Variants in MTR observed in about 807,000 individuals in gnomAD.
The protein encoded by MTR is methionine synthase.
MTR carries 84 observed loss-of-function variants against 154.8 expected under a neutral mutation model. The ratio of observed to expected loss-of-function variants is 0.54; its 90% CI spans 0.45 to 0.65. The LOEUF is 0.65. Ranked by LOEUF, MTR falls within the 30% of genes least tolerant of loss-of-function variation. MTR has a pLI of 0.00. For missense variants in MTR, 1,275 were observed against 1,570.2 expected (o/e 0.81, Z 3.18); for synonymous variants, 554 against 553.9 (o/e 1.00, Z 0.00).
rs58179715 is a variant in MTR at position 236,844,453 on chromosome 1, CGTGTGTGTGTGTGTGTGTGT to C, written c.1516-5860_1516-5841del. 1.5e-3 allele frequency among the ~76,000 whole-genome samples: 213 copies of C among 145,460 alleles called. 1 individual carries two copies. The highest frequency in any genetic ancestry group is 4.7e-3 in the African/African-American group (185 of 39,228). On this transcript the variant is annotated intron_variant, in intron 15 of 32. Coordinates refer to ENST00000366577, the MANE Select transcript of MTR (RefSeq NM_000254.3). ...GGGGAAATACGAGGTTCAGAAAGGG[CGTGTGTGTGTGTGTGTGTGT>C]GTGTGTGTGTGTGTGTGTGTGTGTG...
intron 12 of MTR, among the ~76,000 whole-genome samples, chr1:236,831,495 C>T (rs1475486591): frequency 6.6e-6 from 1 of 152,064 alleles, no homozygotes; most frequent in Non-Finnish European, 1.5e-5. Context: ...GCCTCTGAAT[C>T]AAAGAAATGA....
chr1:236,839,304 C>A (rs546225264), intron 15 of MTR, among the ~76,000 whole-genome samples: 1 of 152,082 alleles, frequency 6.6e-6, no homozygotes, highest in Admixed American at 6.5e-5. Context: ...ATTCCTAATA[C>A]GCAAAGAGTT....
chr1:236,851,980 T>C (rs925052878), intron 16 of MTR, among the ~76,000 whole-genome samples: 1 of 152,174 alleles, frequency 6.6e-6, no homozygotes, highest in African/African-American at 2.4e-5. Flanking sequence ...CCTGAACTTC[T>C]CTGTAGCATA....
intron 30 of MTR, 69 bp downstream of exon 30, chr1:236,894,626 C>T (rs1666520145): frequency 6.5e-7 from 1 of 1,534,924 alleles, no homozygotes. Flanking sequence ...GGGGTGGGTG[C>T]CTGAAGACTG....
intron 1 of MTR, among the ~76,000 whole-genome samples, chr1:236,798,563 C>G (rs1660532358): frequency 6.6e-6 from 1 of 152,184 alleles, no homozygotes; most frequent in Non-Finnish European, 1.5e-5. Flanking sequence ...CTCTTAGGCT[C>G]ACTAGCCAAG....
intron 18 of MTR, 120 bp from the exon 19 acceptor site, chr1:236,859,713 G>T (rs542598554): frequency 7.2e-5 from 55 of 764,560 alleles, no homozygotes; most frequent in Non-Finnish European, 1.2e-4. Context: ...AGTCTACTAG[G>T]GGCTGGAAAA....
chr1:236,803,812 A>G (rs1217971948), intron 2 of MTR, among the ~76,000 whole-genome samples, 170 bp downstream of exon 2: 1 of 152,234 alleles, frequency 6.6e-6, no homozygotes, highest in Non-Finnish European at 1.5e-5. Context: ...TGTGTTAAGC[A>G]CTCAGGATAA....
At chr1:236,875,393 A>G (rs1304075208) in intron 24 of MTR, among the ~76,000 whole-genome samples, 1 of 152,218 alleles carries the variant, frequency 6.6e-6, no homozygotes, top group Non-Finnish European at 1.5e-5. Context: ...CAACATAAAG[A>G]GGTATAAAAT....
At chr1:236,859,970 G>C in intron 19 of MTR, 48 bp downstream of exon 19, 1 of 1,508,050 alleles carries the variant, frequency 6.6e-7, no homozygotes, top group African/African-American at 1.4e-5. Flanking sequence ...CATCATGGCT[G>C]ACTGATCCTG....
rs1666824631 is a variant in MTR at position 236,899,345 on chromosome 1, A to G, written c.*1701A>G. ...TAGGCATTCTGAGCAGGGGAACAAA[A>G]TAAGGGCCTAGAAACTCACCCGTGC... On this transcript the variant is annotated 3_prime_UTR_variant, in exon 33 of 33. Coordinates refer to ENST00000366577, the MANE Select transcript of MTR (RefSeq NM_000254.3). The G allele has an allele frequency of 6.6e-6, 1 of 152,242 alleles. No homozygotes were observed. Among genetic ancestry groups the G allele is most frequent in the Admixed American group, 6.5e-5 (1 of 15,282 alleles). 9.4% of individuals were successfully genotyped at this position (152,242 alleles called of 1,614,324 possible).
At chr1:236,831,255 G>A (rs1662593852) in intron 12 of MTR, among the ~76,000 whole-genome samples, 1 of 152,168 alleles carries the variant, frequency 6.6e-6, no homozygotes, top group Non-Finnish European at 1.5e-5. Flanking sequence ...ACTTTACACT[G>A]TATGTTTTTA....
At position 236,902,190 on chromosome 1, in the gene MTR, C is replaced by T. The variant is rs1227227289; in HGVS notation, c.*4546C>T. 6.6e-6 allele frequency: 1 copy of T among 152,308 alleles called. No individual in the cohort carries two copies. The highest frequency in any genetic ancestry group is 2.4e-5 in the African/African-American group (1 of 41,422). 9.4% of individuals were successfully genotyped at this position (152,308 alleles called of 1,614,324 possible). ...TTCCATGTCTGACCCTGCCTCATGTCTTGGAAGCCCTAGACTGCTGCTGTA... is the reference window on the plus strand; with the variant it reads ...TTCCATGTCTGACCCTGCCTCATGTTTTGGAAGCCCTAGACTGCTGCTGTA... On this transcript the variant is annotated 3_prime_UTR_variant, in exon 33 of 33. Transcript: ENST00000366577.
At chr1:236,827,287 A>G (rs1662346347) in intron 11 of MTR, among the ~76,000 whole-genome samples, 2 of 152,154 alleles carry the variant, frequency 1.3e-5, no homozygotes, top group African/African-American at 2.4e-5. Flanking sequence ...GAGAAAATAC[A>G]TTTCTGTTAT....
intron 5 of MTR, among the ~76,000 whole-genome samples, chr1:236,811,133 C>G (rs532489460): frequency 6.6e-6 from 1 of 152,222 alleles, no homozygotes; most frequent in Middle Eastern, 3.4e-3. Flanking sequence ...ACGTCTTACA[C>G]GGATGGTAGC....
At chr1:236,879,823 A>G (rs1665626842) in intron 24 of MTR, among the ~76,000 whole-genome samples, 1 of 152,158 alleles carries the variant, frequency 6.6e-6, no homozygotes, top group South Asian at 2.1e-4. Context: ...CAAGTTTGGT[A>G]ATAGGGATGT....
chr1:236,815,983 G>GC (rs1025537675), intron 7 of MTR, among the ~76,000 whole-genome samples: 5 of 152,152 alleles, frequency 3.3e-5, no homozygotes, highest in South Asian at 2.1e-4. Context: ...CATGCTGATG[G>GC]CCACATACCC....
chr1:236,891,950 A>T (rs1361697727), intron 29 of MTR, among the ~76,000 whole-genome samples: 1 of 152,056 alleles, frequency 6.6e-6, no homozygotes. Context: ...CCGTTCTTTG[A>T]CTGTGCTGGC....
At position 236,861,110 on chromosome 1, in the gene MTR, T is replaced by G; in HGVS notation, c.2044-15T>G. On this transcript the variant is annotated splice_polypyrimidine_tract_variant and intron_variant, in intron 19 of 32. Transcript: ENST00000366577. ...TTCTTTCTTTTTCTTTTTTTTTTTT[T>G]TTTGTCTTTTTTAGGGCATTGAAAA... 2.0e-6 allele frequency: 3 copies of G among 1,531,876 alleles called. No homozygotes were observed. The highest frequency in any genetic ancestry group is 1.9e-4 in the Middle Eastern group (1 of 5,346). 94.9% of individuals were successfully genotyped at this position (1,531,876 alleles called of 1,614,324 possible).
At chr1:236,872,311 T>A (rs1665179401) in intron 22 of MTR, among the ~76,000 whole-genome samples, 1 of 152,150 alleles carries the variant, frequency 6.6e-6, no homozygotes. Context: ...TTCTCCTGTG[T>A]GCCCATCTAG....
Sources: gnomAD v4.1 joint callset for allele counts (sites outside exome capture counted in the v4.1 genomes callset) on GRCh38, gnomAD v4.1.1 for gene constraint, MANE v1.5 for transcripts, NCBI Gene and HGNC (gene_info 2026-07-23, HGNC 2026-07-21) for gene names.